CACNG4: variants seen among roughly 807,000 people sequenced by gnomAD.
CACNG4 encodes the protein calcium voltage-gated channel auxiliary subunit gamma 4.
CACNG4 carries 8 observed loss-of-function variants against 22.9 expected under a neutral mutation model. That is an observed-to-expected ratio of 0.35 (90% CI 0.21 to 0.63). The LOEUF is 0.63. Among genes scored for constraint, CACNG4 ranks in the 30% least tolerant of loss-of-function variants. CACNG4 has a pLI of 0.72. For missense variants in CACNG4, 357 were observed against 455.4 expected, an observed-to-expected ratio of 0.78 and a Z score of 1.97; for synonymous variants, 188 against 191.9, an observed-to-expected ratio of 0.98 and a Z score of 0.17.
At chr17:66,980,074 G>A (rs2035262504) in intron 1 of CACNG4, among the ~76,000 whole-genome samples, 1 of 152,144 alleles carries the variant, frequency 6.6e-6, no homozygotes, top group Non-Finnish European at 1.5e-5. Context: ...ATTCTTAAAT[G>A]CATCCAGGAA....
At position 67,004,809 on chromosome 17, in the gene CACNG4, G is replaced by A. The variant is rs568854740; in HGVS notation, c.221-13380G>A. Among the ~76,000 whole-genome samples, 54 of 152,162 alleles carry A rather than the reference G, an allele frequency of 3.5e-4. 1 individual carries two copies. Among genetic ancestry groups the A allele is most frequent in the African/African-American group, 1.3e-3 (52 of 41,528 alleles). On this transcript the variant is annotated intron_variant, in intron 1 of 3. Transcript: ENST00000262138. ...TATGATCTCAGCTCACTACAGCCTCGACTTCCCAGGCTCAGTTGATTCTCC... is the reference window on the plus strand; with the variant it reads ...TATGATCTCAGCTCACTACAGCCTCAACTTCCCAGGCTCAGTTGATTCTCC...
chr17:66,989,541 C>T (rs550615979), intron 1 of CACNG4, among the ~76,000 whole-genome samples: 2 of 151,476 alleles, frequency 1.3e-5, no homozygotes, highest in Non-Finnish European at 2.9e-5. Context: ...CAGAACCATT[C>T]GAGGATAAAC....
intron 3 of CACNG4, among the ~76,000 whole-genome samples, chr17:67,029,475 C>CA (rs34320075): frequency 6.6e-6 from 1 of 150,450 alleles, no homozygotes; most frequent in African/African-American, 2.4e-5. Flanking sequence ...ACTAAAAATA[C>CA]AAAAAAAAAT....
chr17:66,977,076 T>G (rs1482268703), intron 1 of CACNG4, among the ~76,000 whole-genome samples: 1 of 152,088 alleles, frequency 6.6e-6, no homozygotes, highest in Non-Finnish European at 1.5e-5. Flanking sequence ...CCCACTGCCT[T>G]CCTTCCCTCC....
chr17:67,030,471 A>T lies in CACNG4; in HGVS notation c.451A>T (p.Ser151Cys), dbSNP rs1359441937. ...AGILFVAAGL[S>C]NIIGIIVYIS... Reference sequence around the variant, plus strand: ...GCTCCCCGCTTCCCTTTCAGGCCTCAGTAACATCATCGGTATCATCGTCTA... The same window carrying T: ...GCTCCCCGCTTCCCTTTCAGGCCTCTGTAACATCATCGGTATCATCGTCTA... Residue 151 changes from serine to cysteine, a missense_variant, in exon 4 of 4, where the codon AGT becomes TGT. Ser to Cys is a moderately radical substitution (Grantham distance 112). Around this residue, in one of 3 missense-constraint regions of CACNG4, gnomAD observed 240 missense variants for 277.6 expected, o/e 0.86. Coordinates refer to ENST00000262138, the MANE Select transcript of CACNG4 (RefSeq NM_014405.4). This position sits in a 1 kb window ranked among gnomAD's most constrained non-coding sequence, Gnocchi z 6.4. 6.2e-7 allele frequency: 1 copy of T among 1,613,072 alleles called. No homozygotes were observed. Among genetic ancestry groups the T allele is most frequent in the South Asian group, 1.1e-5 (1 of 91,036 alleles).
intron 2 of CACNG4, among the ~76,000 whole-genome samples, chr17:67,018,690 C>T (rs1326581332): frequency 6.6e-6 from 1 of 152,198 alleles, no homozygotes; most frequent in Non-Finnish European, 1.5e-5. Context: ...TCCCCACCCT[C>T]TCCTGCATAC....
At chr17:67,024,040 A>G (rs2363838) in intron 2 of CACNG4, among the ~76,000 whole-genome samples, 105,330 of 152,102 alleles carry the variant, frequency 0.69, 36,990 homozygotes, top group South Asian at 0.85. Flanking sequence ...CGGTCAGCTA[A>G]TCAGTGGCAG....
At chr17:66,998,623 C>A (rs1205744620) in intron 1 of CACNG4, among the ~76,000 whole-genome samples, 2 of 152,162 alleles carry the variant, frequency 1.3e-5, no homozygotes, top group African/African-American at 4.8e-5. Flanking sequence ...CCCGCTCACC[C>A]TCCCAAGCCC....
chr17:67,030,880 C>G lies in CACNG4; in HGVS notation c.860C>G (p.Thr287Ser), dbSNP rs1204567430. The G allele has an allele frequency of 1.2e-6, 2 of 1,612,768 alleles. No individual in the cohort carries two copies. The highest frequency in any genetic ancestry group is 3.3e-5 in the Admixed American group (2 of 60,026). ...YTLSREPLKV[T>S]TAASYSPDQE... ...CTGTCCAGGGAGCCCCTCAAGGTGACCACCGCAGCCAGCTACAGCCCCGAC... is the reference window on the plus strand; with the variant it reads ...CTGTCCAGGGAGCCCCTCAAGGTGAGCACCGCAGCCAGCTACAGCCCCGAC... The change falls in exon 4 of 4, where the codon ACC becomes AGC. Residue 287 changes from threonine to serine, a missense_variant. By Grantham distance (58) the Thr-to-Ser change is moderately conservative. Around this residue, in one of 3 missense-constraint regions of CACNG4, gnomAD observed 240 missense variants for 277.6 expected, o/e 0.86. Coordinates refer to ENST00000262138, the MANE Select transcript of CACNG4 (RefSeq NM_014405.4). The surrounding 1 kb of genome is among the most constrained non-coding windows in gnomAD (Gnocchi z 6.4).
chr17:66,966,301 C>T (rs1053338044), intron 1 of CACNG4, among the ~76,000 whole-genome samples: 2 of 152,080 alleles, frequency 1.3e-5, no homozygotes, highest in African/African-American at 4.8e-5. Context: ...GATCGGGGAC[C>T]GGGTGGAGGG....
At chr17:67,012,769 A>G (rs2035475744) in intron 1 of CACNG4, among the ~76,000 whole-genome samples, 1 of 152,208 alleles carries the variant, frequency 6.6e-6, no homozygotes, top group African/African-American at 2.4e-5. Context: ...AGCAGGCTCC[A>G]CCTGCACAGA....
In CACNG4 at chr17:67,027,254, A is replaced by G. The variant is rs1400928863; in HGVS notation, c.445+2254A>G. Among the ~76,000 whole-genome samples the G allele has an allele frequency of 6.6e-6, 1 of 152,180 alleles. No individual in the cohort carries two copies. The highest frequency in any genetic ancestry group is 2.4e-5 in the African/African-American group (1 of 41,448). ...CCCTGCAGCTGCCCGTGCCCCCAGG[A>G]GGAGCCGTTTCAAAGGCAGGCCCAG... On this transcript the variant is annotated intron_variant, in intron 3 of 3. Transcript: ENST00000262138. The surrounding 1 kb of genome is among the most constrained non-coding windows in gnomAD (Gnocchi z 4.3).
chr17:67,012,354 G>C (rs1396698229), intron 1 of CACNG4, among the ~76,000 whole-genome samples: 2 of 152,184 alleles, frequency 1.3e-5, no homozygotes, highest in South Asian at 4.1e-4. Flanking sequence ...AGATGAAATG[G>C]GCTGAAGCAT....
intron 1 of CACNG4, among the ~76,000 whole-genome samples, chr17:66,992,166 G>T (rs1019187745): frequency 3.4e-4 from 49 of 145,310 alleles, no homozygotes; most frequent in African/African-American, 1.2e-3. Flanking sequence ...CTCCTGGGGG[G>T]GGGGGGCTGT....
chr17:67,013,267 C>A (rs2035478404), intron 1 of CACNG4, among the ~76,000 whole-genome samples: 1 of 152,142 alleles, frequency 6.6e-6, no homozygotes, highest in Admixed American at 6.6e-5. Context: ...CTTCCCAGCT[C>A]CCATGTCCAA....
At position 67,030,147 on chromosome 17, in the gene CACNG4, A is replaced by G. The variant is rs1212331833; in HGVS notation, c.446-319A>G. 1.2e-5 allele frequency among the ~76,000 whole-genome samples: 1 copy of G among 81,198 alleles called. No individual in the cohort carries two copies. Among genetic ancestry groups the G allele is most frequent in the Non-Finnish European group, 2.2e-5 (1 of 45,654 alleles). 53.3% of individuals were successfully genotyped at this position (81,198 alleles called of 152,430 possible). A position where few individuals can be genotyped will look rare whatever the true frequency, so the allele number is the denominator to read the frequency against. ...GCCAGAGTACTGTGCAAAGGAAATA[A>G]TAGGGGTGTGTGTGTGTGTGTGTGT... On this transcript the variant is annotated intron_variant, in intron 3 of 3. Transcript: ENST00000262138. This position sits in a 1 kb window ranked among gnomAD's most constrained non-coding sequence, Gnocchi z 6.4.
intron 1 of CACNG4, among the ~76,000 whole-genome samples, chr17:66,979,961 A>G (rs986339115): frequency 5.3e-5 from 8 of 151,956 alleles, no homozygotes; most frequent in East Asian, 1.9e-4. Context: ...TCACCATGTT[A>G]GCCAGGCTGG....
chr17:66,965,796 C>A (rs568936272), intron 1 of CACNG4, among the ~76,000 whole-genome samples: 1 of 152,020 alleles, frequency 6.6e-6, no homozygotes, highest in South Asian at 2.1e-4. Flanking sequence ...GTAGGCCCAG[C>A]CCGACGCCCG....
chr17:66,992,159 C>A (rs1207496951), intron 1 of CACNG4, among the ~76,000 whole-genome samples: 1 of 87,774 alleles, frequency 1.1e-5, no homozygotes, highest in South Asian at 3.5e-4. Flanking sequence ...CGCCAAGCTC[C>A]TGGGGGGGGG....
Sources: gnomAD v4.1 joint callset for allele counts (sites outside exome capture counted in the v4.1 genomes callset) on GRCh38, gnomAD v4.1.1 for gene constraint, gnomAD v4.1.1 regional missense constraint, Gnocchi (gnomAD v3.1) non-coding constraint, MANE v1.5 for transcripts, NCBI Gene and HGNC (gene_info 2026-07-23, HGNC 2026-07-21) for gene names.